BEND5: variants seen among roughly 807,000 people sequenced by gnomAD.
BEND5 encodes the protein BEN domain containing 5, also known as BEN domain-containing protein 5.
BEND5 carries 22 observed loss-of-function variants against 43.9 expected under a neutral mutation model. The observed-to-expected ratio is 0.50, with a 90% CI of 0.36 to 0.72. BEND5 has a LOEUF of 0.72. Among genes scored for constraint, BEND5 ranks in the 30% least tolerant of loss-of-function variants. The probability of loss-of-function intolerance (pLI) is 0.00; values close to 1 mark genes in which losing one functional copy is unlikely to be tolerated. For missense variants in BEND5, 428 were observed against 550.6 expected (o/e 0.78, Z 2.23); for synonymous variants, 228 against 225.9 (o/e 1.01, Z -0.08).
intron 4 of BEND5, among the ~76,000 whole-genome samples, chr1:48,737,562 T>C (rs1332956371): frequency 6.6e-6 from 1 of 152,142 alleles, no homozygotes; most frequent in East Asian, 1.9e-4. Flanking sequence ...ACACCTATGA[T>C]TTTAAACACA....
At chr1:48,772,436 C>T (rs1022108175) in intron 1 of BEND5, among the ~76,000 whole-genome samples, 12 of 152,150 alleles carry the variant, frequency 7.9e-5, no homozygotes, top group Non-Finnish European at 7.3e-5. Context: ...GCAGAGGCCC[C>T]ATATCAGACA....
chr1:48,765,802 AAG>A (rs1455027927), intron 1 of BEND5, among the ~76,000 whole-genome samples: 2 of 152,200 alleles, frequency 1.3e-5, no homozygotes, highest in African/African-American at 4.8e-5. Flanking sequence ...TGGAAAGTAA[AAG>A]AAGCCAGACA....
chr1:48,736,284 CT>C lies in BEND5; in HGVS notation c.1062del (p.Val355SerfsTer11). ...TGAGGCGAGAGGGGTGGTTTAGGGACTGCATCTTTCTTTTTTTTTGTGGCGA... is the reference window on the plus strand; with the variant it reads ...TGAGGCGAGAGGGGTGGTTTAGGGACGCATCTTTCTTTTTTTTTGTGGCGA... ...TGVATKKKKD[A>X]VPKPPLSPHK... On this transcript the variant is annotated frameshift_variant, in exon 5 of 6. Coordinates refer to ENST00000371833, the MANE Select transcript of BEND5 (RefSeq NM_024603.4). LOFTEE classifies it high-confidence loss of function. The surrounding 1 kb of genome is among the most constrained non-coding windows in gnomAD (Gnocchi z 4.0). 1 of 1,614,172 alleles carries C rather than the reference CT, an allele frequency of 6.2e-7. No individual in the cohort carries two copies. The highest frequency in any genetic ancestry group is 8.5e-7 in the Non-Finnish European group (1 of 1,180,022).
At chr1:48,770,307 C>T (rs1233233485) in intron 1 of BEND5, among the ~76,000 whole-genome samples, 1 of 152,118 alleles carries the variant, frequency 6.6e-6, no homozygotes, top group African/African-American at 2.4e-5. Flanking sequence ...AAGGTAGCTG[C>T]TATATAGTTA....
Position 48,761,407 on chromosome 1 carries a change from A to G in BEND5, c.290T>C (p.Leu97Pro). 1 of 1,551,746 alleles carries G rather than the reference A, an allele frequency of 6.4e-7. No homozygotes were observed. Among genetic ancestry groups the G allele is most frequent in the Non-Finnish European group, 8.7e-7 (1 of 1,146,942 alleles). ...QKKIKIPKLS[L>P]NHVEEDGEVK... ...CTCTCCATCTTCTTCTACATGATTA[A>G]GAGAAAGCTTGGGGATTTTTATTTT... The change falls in exon 2 of 6, where the codon CTT becomes CCT. Residue 97 changes from leucine to proline, a missense_variant. Leu to Pro is a moderately conservative substitution (Grantham distance 98, BLOSUM62 -3). This residue lies in a region of BEND5 where 243 missense variants were observed against 286.4 expected (regional missense o/e 0.85). Coordinates refer to ENST00000371833, the MANE Select transcript of BEND5 (RefSeq NM_024603.4).
chr1:48,770,017 TGACCTGCTTGCCACC>T (rs1185895701), intron 1 of BEND5, among the ~76,000 whole-genome samples: 6 of 152,300 alleles, frequency 3.9e-5, no homozygotes, highest in African/African-American at 1.4e-4. Flanking sequence ...AAAATACCCC[TGACCTGCTTGCCACC>T]TTTAGTGACA....
At chr1:48,767,798 G>C (rs1284752476) in intron 1 of BEND5, among the ~76,000 whole-genome samples, 1 of 152,138 alleles carries the variant, frequency 6.6e-6, no homozygotes, top group Non-Finnish European at 1.5e-5. Flanking sequence ...TTCACTTCTG[G>C]ACTCTTTTAT....
intron 1 of BEND5, among the ~76,000 whole-genome samples, chr1:48,768,889 T>C (rs1644665500): frequency 6.6e-6 from 1 of 152,154 alleles, no homozygotes. Flanking sequence ...CTCTGGCCGA[T>C]GGTGTTTGTT....
At chr1:48,763,069 C>A (rs1231433038) in intron 1 of BEND5, among the ~76,000 whole-genome samples, 1 of 151,108 alleles carries the variant, frequency 6.6e-6, no homozygotes, top group East Asian at 2.0e-4. Flanking sequence ...ATTTTCTTCT[C>A]TTAAGCATAA....
chr1:48,731,330 G>A (rs1245825353), intron 5 of BEND5, among the ~76,000 whole-genome samples: 3 of 152,116 alleles, frequency 2.0e-5, no homozygotes, highest in Admixed American at 6.5e-5. Context: ...GTGACAGCAG[G>A]TAGCCTGAAA....
At chr1:48,731,943 G>A (rs1256096661) in intron 5 of BEND5, among the ~76,000 whole-genome samples, 1 of 152,192 alleles carries the variant, frequency 6.6e-6, no homozygotes, top group African/African-American at 2.4e-5. Context: ...GAGTCTGGAA[G>A]CTGCCAGAGT....
intron 1 of BEND5, 74 bp from the exon 2 acceptor site, chr1:48,761,544 C>T (rs562500011): frequency 3.5e-6 from 5 of 1,418,658 alleles, no homozygotes; most frequent in Non-Finnish European, 4.7e-6. Flanking sequence ...ATGCCCAAAA[C>T]CTCAAATGCT....
intron 3 of BEND5, 146 bp from the exon 4 acceptor site, chr1:48,742,917 G>C (rs1208118475): frequency 1.4e-6 from 1 of 703,734 alleles, no homozygotes; most frequent in African/African-American, 1.8e-5. Flanking sequence ...ACCCAGACTC[G>C]AAAATAATGT....
chr1:48,744,607 G>C (rs1047545137), intron 3 of BEND5, among the ~76,000 whole-genome samples: 2 of 152,164 alleles, frequency 1.3e-5, no homozygotes, highest in African/African-American at 4.8e-5. Flanking sequence ...TTCCTTCCAT[G>C]AGAGGCTGGA....
At chr1:48,732,246 G>A (rs1357857673) in intron 5 of BEND5, among the ~76,000 whole-genome samples, 4 of 151,780 alleles carry the variant, frequency 2.6e-5, no homozygotes, top group East Asian at 1.9e-4. Flanking sequence ...AGAGAGAAGT[G>A]AGCAGTGCAG....
intron 4 of BEND5, among the ~76,000 whole-genome samples, chr1:48,738,749 A>G (rs899375074): frequency 2.0e-5 from 3 of 152,138 alleles, no homozygotes; most frequent in African/African-American, 7.2e-5. Flanking sequence ...TTATTCTTGA[A>G]AGGGAGATGA....
At chr1:48,768,252 A>C (rs1485691300) in intron 1 of BEND5, among the ~76,000 whole-genome samples, 1 of 152,174 alleles carries the variant, frequency 6.6e-6, no homozygotes, top group Non-Finnish European at 1.5e-5. Flanking sequence ...CTAAGAGAAT[A>C]CTGTGATGAA....
intron 1 of BEND5, among the ~76,000 whole-genome samples, chr1:48,776,048 A>G (rs147804744): frequency 2.0e-5 from 3 of 152,150 alleles, no homozygotes; most frequent in African/African-American, 7.2e-5. Flanking sequence ...ATCCTGTCCA[A>G]TGTTGGCCCG....
intron 1 of BEND5, 120 bp downstream of exon 1, chr1:48,776,483 GAGA>G: frequency 1.4e-6 from 1 of 725,556 alleles, no homozygotes; most frequent in Non-Finnish European, 2.0e-6. Context: ...CAGAGGACGG[GAGA>G]AGGAGGCAGG....
Sources: gnomAD v4.1 joint callset for allele counts (sites outside exome capture counted in the v4.1 genomes callset) on GRCh38, gnomAD v4.1.1 for gene constraint, gnomAD v4.1.1 regional missense constraint, Gnocchi (gnomAD v3.1) non-coding constraint, MANE v1.5 for transcripts, NCBI Gene and HGNC (gene_info 2026-07-23, HGNC 2026-07-21) for gene names.